The following PTPRM variants were observed in gnomAD, a reference collection of about 807,000 sequenced individuals.
PTPRM encodes the protein protein tyrosine phosphatase receptor type M.
A neutral mutation model predicts 186.7 loss-of-function variants in PTPRM; 47 were observed. The observed-to-expected ratio is 0.25, with a 90% CI of 0.20 to 0.32. PTPRM has a LOEUF of 0.32. PTPRM is among the 10% of genes least tolerant of loss of function. The pLI is 1.00. For missense variants in PTPRM, 1,494 were observed against 1,865.0 expected (o/e 0.80, Z 3.66); for synonymous variants, 668 against 674.9 (o/e 0.99, Z 0.16).
chr18:8,116,612 A>G (rs963680086), intron 13 of PTPRM, among the ~76,000 whole-genome samples: 1 of 152,188 alleles, frequency 6.6e-6, no homozygotes. Context: ...TGCCCAATTT[A>G]CTGTGAAAAC....
intron 14 of PTPRM, among the ~76,000 whole-genome samples, chr18:8,213,166 T>C (rs923495402): frequency 2.0e-5 from 3 of 152,218 alleles, no homozygotes; most frequent in South Asian, 2.1e-4. Flanking sequence ...TTTTTTGTTA[T>C]AGATGTTTAA....
chr18:8,102,836 C>T (rs1487412237), intron 11 of PTPRM, among the ~76,000 whole-genome samples: 2 of 152,182 alleles, frequency 1.3e-5, no homozygotes, highest in African/African-American at 4.8e-5. Flanking sequence ...TTATATATGG[C>T]AGCTATAGCA....
rs111543473 is a variant in PTPRM at position 7,707,719 on chromosome 18, G to A, written c.74-66430G>A. On this transcript the variant is annotated intron_variant, in intron 1 of 32. Coordinates refer to ENST00000580170, the MANE Select transcript of PTPRM (RefSeq NM_001105244.2). The stretch of plus-strand genomic sequence containing the variant: ...GTTCATATTCTTTGTGTTAACTGGA[G>A]TTTAGGGAGAGAAGCAGATAGAGTG... 8.1e-3 allele frequency among the ~76,000 whole-genome samples: 1,241 copies of A among 152,280 alleles called. 17 individuals are homozygous for A. The highest frequency in any genetic ancestry group is 0.029 in the African/African-American group (1,195 of 41,544).
intron 23 of PTPRM, among the ~76,000 whole-genome samples, chr18:8,366,549 G>T (rs2095630569): frequency 6.6e-6 from 1 of 152,206 alleles, no homozygotes; most frequent in South Asian, 2.1e-4. Context: ...TAATTTACCT[G>T]AGTATTATCT....
intron 13 of PTPRM, among the ~76,000 whole-genome samples, chr18:8,142,272 A>T (rs933289896): frequency 7.2e-5 from 11 of 152,268 alleles, no homozygotes; most frequent in African/African-American, 2.6e-4. Flanking sequence ...CTCTCAAATG[A>T]TTGGAATATG....
At chr18:7,799,968 G>GC (rs1167096680) in intron 2 of PTPRM, among the ~76,000 whole-genome samples, 1 of 151,996 alleles carries the variant, frequency 6.6e-6, no homozygotes. Context: ...GGGGTACAAG[G>GC]CATGGCAGTA....
intron 7 of PTPRM, among the ~76,000 whole-genome samples, chr18:8,030,112 T>C (rs1048299739): frequency 6.6e-6 from 1 of 152,200 alleles, no homozygotes; most frequent in South Asian, 2.1e-4. Context: ...GTCTCTCTTC[T>C]CAGAACCTTC....
At chr18:7,898,735 T>G (rs1315131876) in intron 3 of PTPRM, among the ~76,000 whole-genome samples, 2 of 152,126 alleles carry the variant, frequency 1.3e-5, no homozygotes, top group Non-Finnish European at 2.9e-5. Flanking sequence ...TTTTCTTACA[T>G]CCCAGGGCTG....
chr18:8,370,698 A>G (rs373845017), intron 23 of PTPRM, among the ~76,000 whole-genome samples, 192 bp from the exon 24 acceptor site: 7 of 152,356 alleles, frequency 4.6e-5, no homozygotes, highest in African/African-American at 1.4e-4. Flanking sequence ...TACGTCTCCC[A>G]TAACTCAAAT....
At chr18:7,573,385 G>A (rs536367701) in intron 1 of PTPRM, among the ~76,000 whole-genome samples, 11 of 152,196 alleles carry the variant, frequency 7.2e-5, no homozygotes, top group African/African-American at 2.4e-4. Flanking sequence ...TGGTGAGCTA[G>A]GTTTTAATCT....
At chr18:7,963,825 G>C (rs2053840217) in intron 7 of PTPRM, among the ~76,000 whole-genome samples, 1 of 152,152 alleles carries the variant, frequency 6.6e-6, no homozygotes, top group African/African-American at 2.4e-5. Flanking sequence ...GGTTTGCTAT[G>C]GGAAAAACAT....
intron 2 of PTPRM, among the ~76,000 whole-genome samples, chr18:7,811,776 A>G (rs1337488163): frequency 1.2e-4 from 19 of 152,116 alleles, no homozygotes; most frequent in Non-Finnish European, 1.5e-5. Context: ...ATATAAGTCA[A>G]GCAGATCCCT....
At chr18:8,296,783 A>C (rs2095101615) in intron 20 of PTPRM, among the ~76,000 whole-genome samples, 1 of 152,216 alleles carries the variant, frequency 6.6e-6, no homozygotes, top group Admixed American at 6.5e-5. Context: ...GAATGAATGG[A>C]AATAATGATG....
intron 14 of PTPRM, among the ~76,000 whole-genome samples, chr18:8,171,154 C>T (rs1218032993): frequency 6.6e-6 from 1 of 152,200 alleles, no homozygotes; most frequent in East Asian, 1.9e-4. Context: ...AAATCTCATT[C>T]ATTCTGGACC....
chr18:8,139,269 C>T (rs928499213), intron 13 of PTPRM, among the ~76,000 whole-genome samples: 4 of 152,158 alleles, frequency 2.6e-5, no homozygotes, highest in Admixed American at 6.5e-5. Flanking sequence ...TGGTTGTTAT[C>T]CTAACACACT....
intron 7 of PTPRM, among the ~76,000 whole-genome samples, chr18:8,029,681 C>T (rs2085827324): frequency 6.6e-6 from 1 of 152,212 alleles, no homozygotes; most frequent in Non-Finnish European, 1.5e-5. Context: ...ACATGTCAGT[C>T]TTCCCCACCA....
chr18:7,758,097 T>A (rs2041594424), intron 1 of PTPRM, among the ~76,000 whole-genome samples: 1 of 152,188 alleles, frequency 6.6e-6, no homozygotes. Flanking sequence ...GACTCAATAT[T>A]CATGTGTTAG....
chr18:7,861,522 T>A (rs1425408048), intron 2 of PTPRM, among the ~76,000 whole-genome samples: 2 of 152,162 alleles, frequency 1.3e-5, no homozygotes, highest in African/African-American at 4.8e-5. Context: ...CAACTTATTT[T>A]GGGTAAATTG....
At chr18:7,667,514 G>C (rs917411566) in intron 1 of PTPRM, among the ~76,000 whole-genome samples, 6 of 152,198 alleles carry the variant, frequency 3.9e-5, no homozygotes, top group Non-Finnish European at 5.9e-5. Flanking sequence ...CTGTGAAGAA[G>C]CCAGAAAGCA....
Sources: gnomAD v4.1 joint callset for allele counts (sites outside exome capture counted in the v4.1 genomes callset) on GRCh38, gnomAD v4.1.1 for gene constraint, MANE v1.5 for transcripts, NCBI Gene and HGNC (gene_info 2026-07-23, HGNC 2026-07-21) for gene names.